GBP2: variants seen among roughly 807,000 people sequenced by gnomAD.
GBP2 encodes the protein guanylate-binding protein 2.
Under a neutral mutation model 60.8 loss-of-function variants are expected in GBP2, and 54 were observed. The ratio of observed to expected loss-of-function variants is 0.89; its 90% CI spans 0.71 to 1.11. The LOEUF (loss-of-function observed/expected upper bound fraction) is 1.11, where lower values mean the gene tolerates loss of function less well. Ranked by LOEUF, GBP2 falls within the 50% of genes most tolerant of loss-of-function variation. The pLI is 0.00. For missense variants in GBP2, 665 were observed against 703.3 expected, an observed-to-expected ratio of 0.95 and a Z score of 0.62; for synonymous variants, 243 against 256.5, an observed-to-expected ratio of 0.95 and a Z score of 0.50.
At position 89,117,050 on chromosome 1, in the gene GBP2, G is replaced by A. The variant is rs1447451725; in HGVS notation, c.810C>T (p.Tyr270=). The A allele has an allele frequency of 6.2e-7, 1 of 1,614,038 alleles. No individual in the cohort carries two copies. Among genetic ancestry groups the A allele is most frequent in the South Asian group, 1.1e-5 (1 of 91,084 alleles). ...FIEQVAEFCS[Y]ILSHSNVKTL... ...TCTTGACATTGGAATGGCTGAGGAT[G>A]TAGGAACAAAATTCTGCAACTTGTT... Residue 270 remains tyrosine (Y), a synonymous_variant, in exon 6 of 11, where the codon TAC becomes TAT. Coordinates refer to ENST00000370466, the MANE Select transcript of GBP2 (RefSeq NM_004120.5).
chr1:89,108,270 CCTT>C lies in GBP2; in HGVS notation c.1678_1680del (p.Lys560del). 2 of 1,611,908 alleles carry C rather than the reference CCTT, an allele frequency of 1.2e-6. No individual in the cohort carries two copies. The highest frequency in any genetic ancestry group is 8.5e-7 in the Non-Finnish European group (1 of 1,178,140). ...CTCTTGCTCTCATTCTCGAATCCCT[CCTT>C]GAGAAGGCGTTCCTGTTCCTAAAAG... On this transcript the variant is annotated inframe_deletion, in exon 11 of 11. Transcript: ENST00000370466.
intron 10 of GBP2, 146 bp from the exon 11 acceptor site, chr1:89,108,437 T>G: frequency 2.0e-6 from 1 of 492,574 alleles, no homozygotes; most frequent in Non-Finnish European, 3.6e-6. Flanking sequence ...AATTTTTCTA[T>G]GATTTTTTTA....
intron 5 of GBP2, 138 bp downstream of exon 5, chr1:89,117,439 G>T: frequency 1.1e-6 from 1 of 919,448 alleles, no homozygotes; most frequent in Non-Finnish European, 1.7e-6. Flanking sequence ...ATATAGTCAA[G>T]CAATGTTTCC....
chr1:89,116,912 C>T, intron 6 of GBP2, 80 bp downstream of exon 6: 4 of 1,437,066 alleles, frequency 2.8e-6, no homozygotes, highest in Non-Finnish European at 3.9e-6. Flanking sequence ...CAGAAGTGAC[C>T]CTTATGCTTT....
rs778334754 is a variant in GBP2, at chr1:89,117,006, G to A, written c.854C>T (p.Pro285Leu). ...SNVKTLSGGI[P>L]VNGPRLESLV... ...GAGTGACTCACGAGGCCCATTGACT[G>A]GAATGCCACCTGAAAGAGTCTTGAC... The change falls in exon 6 of 11, where the codon CCA becomes CTA. Residue 285 changes from proline (P) to leucine (L), a missense_variant. Pro to Leu is a moderately conservative substitution (Grantham distance 98). Transcript: ENST00000370466. 2 of 1,613,912 alleles carry A rather than the reference G, an allele frequency of 1.2e-6. No homozygotes were observed. The highest frequency in any genetic ancestry group is 1.3e-5 in the African/African-American group (1 of 75,026).
chr1:89,123,929 C>T (rs1291864535), intron 1 of GBP2, among the ~76,000 whole-genome samples: 2 of 152,134 alleles, frequency 1.3e-5, no homozygotes, highest in African/African-American at 4.8e-5. Flanking sequence ...TTGTTAGTTT[C>T]TAGTTTACCT....
intron 3 of GBP2, among the ~76,000 whole-genome samples, chr1:89,120,756 A>G (rs1308887258): frequency 3.3e-5 from 5 of 152,160 alleles, no homozygotes; most frequent in Admixed American, 3.3e-4. Flanking sequence ...TTCTCTTTCT[A>G]CTGGTGCTGG....
intron 1 of GBP2, among the ~76,000 whole-genome samples, chr1:89,125,144 T>C (rs1237368076): frequency 1.3e-5 from 2 of 152,230 alleles, no homozygotes; most frequent in African/African-American, 4.8e-5. Context: ...GATCATGATA[T>C]AACATTTATA....
intron 4 of GBP2, chr1:89,119,462 G>C (rs534408081): frequency 5.3e-5 from 8 of 152,286 alleles, no homozygotes; most frequent in Admixed American, 3.9e-4. Flanking sequence ...ATGACAATAA[G>C]GGTGGAGAGT....
chr1:89,117,037 A>G lies in GBP2; in HGVS notation c.823T>C (p.Ser275Pro). The G allele has an allele frequency of 6.2e-7, 1 of 1,614,032 alleles. No individual in the cohort carries two copies. The highest frequency in any genetic ancestry group is 1.3e-5 in the African/African-American group (1 of 75,012). ...CCACCTGAAAGAGTCTTGACATTGG[A>G]ATGGCTGAGGATGTAGGAACAAAAT... ...AEFCSYILSHSNVKTLSGGIP... is the reference protein window; with the variant it reads ...AEFCSYILSHPNVKTLSGGIP... The change falls in exon 6 of 11, where the codon TCC becomes CCC. Residue 275 changes from serine (S) to proline (P), a missense_variant. Ser to Pro is a moderately conservative substitution (Grantham distance 74). Transcript: ENST00000370466.
At chr1:89,114,657 T>A (rs1042434756) in intron 6 of GBP2, among the ~76,000 whole-genome samples, 4 of 152,220 alleles carry the variant, frequency 2.6e-5, no homozygotes, top group Non-Finnish European at 5.9e-5. Flanking sequence ...TTTATTAATT[T>A]TAGTGGTGCA....
Position 89,120,193 on chromosome 1 carries a change from G to A in GBP2, c.414C>T (p.Ala138=), listed in dbSNP as rs751273161. Residue 138 remains alanine (A), a synonymous_variant, in exon 4 of 11, where the codon GCC becomes GCT. Coordinates refer to ENST00000370466, the MANE Select transcript of GBP2 (RefSeq NM_004120.5). ...YNSMGTINQQ[A]MDQLHYVTEL... is the part of the protein sequence containing the mutation. ...AAAAAGGATACTGAAGTTGGTCCATGGCCTGCTGGTTGATGGTTCCCATGC... is the reference window on the plus strand; with the variant it reads ...AAAAAGGATACTGAAGTTGGTCCATAGCCTGCTGGTTGATGGTTCCCATGC... 1.9e-6 allele frequency: 3 copies of A among 1,613,686 alleles called. No individual in the cohort carries two copies. The highest frequency in any genetic ancestry group is 2.5e-6 in the Non-Finnish European group (3 of 1,179,626).
At chr1:89,112,797 C>T in intron 7 of GBP2, 113 bp from the exon 8 acceptor site, 1 of 739,360 alleles carries the variant, frequency 1.4e-6, no homozygotes, top group South Asian at 1.7e-5. Flanking sequence ...CTAAATAGGG[C>T]CATGCTCCTC....
At chr1:89,113,539 T>C (rs1039219332) in intron 7 of GBP2, among the ~76,000 whole-genome samples, 3 of 152,198 alleles carry the variant, frequency 2.0e-5, no homozygotes, top group Admixed American at 1.3e-4. Flanking sequence ...CAAAAATACT[T>C]TGTTCACTTG....
intron 10 of GBP2, among the ~76,000 whole-genome samples, chr1:89,109,131 G>A (rs1447857012): frequency 6.6e-6 from 1 of 152,080 alleles, no homozygotes; most frequent in African/African-American, 2.4e-5. Flanking sequence ...CCGACCTGAG[G>A]TGATCCGCCC....
intron 8 of GBP2, 85 bp from the exon 9 acceptor site, chr1:89,110,351 G>A: frequency 1.0e-6 from 1 of 957,854 alleles, no homozygotes; most frequent in South Asian, 1.4e-5. Context: ...CTACCCAGAG[G>A]AAAATAAGTC....
chr1:89,118,103 C>T (rs1052759715), intron 4 of GBP2: 1 of 175,348 alleles, frequency 5.7e-6, no homozygotes. Context: ...ACGAACTGGG[C>T]AACTAGCTCC....
intron 9 of GBP2, 141 bp from the exon 10 acceptor site, chr1:89,110,011 A>C: frequency 1.1e-6 from 1 of 947,378 alleles, no homozygotes; most frequent in Non-Finnish European, 1.6e-6. Context: ...CCAGAAAACC[A>C]ATGATCATAC....
rs1435887494 is a variant in GBP2 at position 89,108,259 on chromosome 1, C to A, written c.1692G>T (p.Glu564Asp). The A allele has an allele frequency of 6.2e-7, 1 of 1,613,330 alleles. No homozygotes were observed. Among genetic ancestry groups the A allele is most frequent in the South Asian group, 1.1e-5 (1 of 91,070 alleles). ...EQERLLKEGF[E>D]NESKRLQKDI... ...CTTTTTGAAGTCTCTTGCTCTCATT[C>A]TCGAATCCCTCCTTGAGAAGGCGTT... is the stretch of plus-strand genomic sequence containing the variant. The change falls in exon 11 of 11, where the codon GAG becomes GAT. Residue 564 changes from glutamate to aspartate, a missense_variant. Transcript: ENST00000370466.
Sources: allele counts gnomAD v4.1 joint callset (sites outside exome capture counted in the v4.1 genomes callset), GRCh38; gene constraint gnomAD v4.1.1; transcripts MANE v1.5; gene names NCBI Gene and HGNC (gene_info 2026-07-23, HGNC 2026-07-21).